TRPM2: variants seen among roughly 807,000 people sequenced by gnomAD.
TRPM2 encodes the protein transient receptor potential cation channel subfamily M member 2.
TRPM2 carries 161 observed loss-of-function variants against 174.0 expected under a neutral mutation model. The ratio of observed to expected loss-of-function variants is 0.93; its 90% CI spans 0.81 to 1.05. TRPM2 has a LOEUF of 1.05. Ranked by LOEUF, TRPM2 falls within the 50% of genes least tolerant of loss-of-function variation. The pLI, the probability that TRPM2 is intolerant of heterozygous loss-of-function variation, is 0.00. For synonymous variants in TRPM2, 954 were observed against 861.3 expected (o/e 1.11, Z -1.88); for missense variants, 2,057 against 2,038.0 (o/e 1.01, Z -0.18).
intron 20 of TRPM2, among the ~76,000 whole-genome samples, chr21:44,417,285 C>G (rs2050329306): frequency 7.1e-6 from 1 of 140,146 alleles, no homozygotes; most frequent in Non-Finnish European, 1.5e-5. Flanking sequence ...CGTGGCTCTG[C>G]TCTCTGGCAT....
rs199565483 is a variant in TRPM2, at chr21:44,427,084, C to T, written c.3947C>T (p.Pro1316Leu). ...GLRDRRSFHG[P>L]YTVQAGLPLN... ...AGGGACCGCCGGAGCTTCCACGGGCCGTACACAGTGCAGGCCGGGTTGCCC... is the reference window on the plus strand; with the variant it reads ...AGGGACCGCCGGAGCTTCCACGGGCTGTACACAGTGCAGGCCGGGTTGCCC... Residue 1316 changes from proline to leucine, a missense_variant, in exon 27 of 32, where the codon CCG becomes CTG. By Grantham distance (98) the Pro-to-Leu change is moderately conservative. Coordinates refer to ENST00000397928, the MANE Select transcript of TRPM2 (RefSeq NM_003307.4). 9.0e-5 allele frequency: 145 copies of T among 1,603,904 alleles called. No individual in the cohort carries two copies. The East Asian group carries it at 2.3e-3, about 26-fold the overall frequency.
intron 8 of TRPM2, among the ~76,000 whole-genome samples, chr21:44,380,840 T>G (rs536873324): frequency 6.6e-6 from 1 of 152,210 alleles, no homozygotes; most frequent in Non-Finnish European, 1.5e-5. Flanking sequence ...GTAGGGGTAC[T>G]GAGTGCTCGA....
In TRPM2 at chr21:44,386,289, T is replaced by A. The variant is rs557549116; in HGVS notation, c.1318+3469T>A. On this transcript the variant is annotated intron_variant, in intron 9 of 31. Transcript: ENST00000397928. ...AGGGCATGGTGGCGAGCGCCTGTAGTCCCAGCTACTTGGGAGGCTGAGGCA... is the reference window on the plus strand; with the variant it reads ...AGGGCATGGTGGCGAGCGCCTGTAGACCCAGCTACTTGGGAGGCTGAGGCA... Among the ~76,000 whole-genome samples the A allele has an allele frequency of 2.1e-3, 312 of 152,180 alleles. 1 individual carries two copies. The highest frequency in any genetic ancestry group is 7.3e-3 in the African/African-American group (303 of 41,510).
intron 8 of TRPM2, 77 bp from the exon 9 acceptor site, chr21:44,382,641 C>T: frequency 7.0e-7 from 1 of 1,420,948 alleles, no homozygotes. Flanking sequence ...GTGTCCGGGG[C>T]CTCAATTCTA....
chr21:44,441,664 A>G (rs772526803), intron 31 of TRPM2, 28 bp from the exon 32 acceptor site: 9 of 1,584,420 alleles, frequency 5.7e-6, no homozygotes, highest in Middle Eastern at 1.7e-4. Context: ...GCTGGCGGGG[A>G]GGGTCAGCTG....
intron 5 of TRPM2, among the ~76,000 whole-genome samples, chr21:44,374,732 C>T (rs879632574): frequency 9.9e-5 from 15 of 152,262 alleles, no homozygotes; most frequent in Non-Finnish European, 1.2e-4. Flanking sequence ...GTCACACACA[C>T]GATGGGGAGC....
chr21:44,406,985 G>A (rs948646571), intron 19 of TRPM2, among the ~76,000 whole-genome samples: 26 of 150,084 alleles, frequency 1.7e-4, no homozygotes, highest in South Asian at 6.3e-4. Context: ...TGGTGGGGGT[G>A]AGTGGTGCCA....
intron 5 of TRPM2, among the ~76,000 whole-genome samples, chr21:44,372,032 G>T (rs566551407): frequency 2.6e-5 from 4 of 152,300 alleles, no homozygotes; most frequent in Non-Finnish European, 4.4e-5. Flanking sequence ...TGAGGCAGAA[G>T]AATTGCTTGA....
chr21:44,433,346 G>A (rs148616034), intron 27 of TRPM2, among the ~76,000 whole-genome samples: 18 of 152,354 alleles, frequency 1.2e-4, no homozygotes, highest in Non-Finnish European at 2.2e-4. Context: ...CACTCAGCAC[G>A]AACAGCAGTT....
intron 9 of TRPM2, among the ~76,000 whole-genome samples, chr21:44,389,835 T>A (rs888693687): frequency 4.6e-5 from 7 of 152,122 alleles, no homozygotes; most frequent in East Asian, 3.8e-4. Context: ...TCCTTTCATA[T>A]TTTCTTCAAG....
intron 31 of TRPM2, among the ~76,000 whole-genome samples, chr21:44,441,187 C>T (rs1488860923): frequency 6.6e-6 from 1 of 152,116 alleles, no homozygotes; most frequent in Non-Finnish European, 1.5e-5. Flanking sequence ...AAAGGGGGCA[C>T]CAGGGAGAGG....
rs370554911 is a variant in TRPM2 at position 44,441,706 on chromosome 21, C to T, written c.4401C>T (p.Cys1467=). 5.7e-5 allele frequency: 91 copies of T among 1,610,354 alleles called. No homozygotes were observed. The highest frequency in any genetic ancestry group is 4.7e-4 in the Admixed American group (28 of 59,734). Residue 1467 remains cysteine, a synonymous_variant, in exon 32 of 32, where the codon TGC becomes TGT. Transcript: ENST00000397928. ...LNRLNSNLHA[C]DSGASIRWQV... is the part of the protein sequence containing the mutation. The stretch of plus-strand genomic sequence containing the variant: ...TGTTCTTCCAGAACCTGCACGCCTG[C>T]GACTCGGGGGCCTCCATCCGATGGC...
intron 20 of TRPM2, chr21:44,414,719 G>C (rs189451611): frequency 1.3e-5 from 2 of 152,436 alleles, no homozygotes; most frequent in African/African-American, 4.8e-5. Context: ...TGGGTTCTTG[G>C]ATGAGTAAGT....
chr21:44,374,846 CA>C (rs2048648184), intron 5 of TRPM2, among the ~76,000 whole-genome samples: 1 of 152,160 alleles, frequency 6.6e-6, no homozygotes, highest in Non-Finnish European at 1.5e-5. Context: ...GTCCATGGCC[CA>C]GGGGGTGGGG....
In TRPM2 at chr21:44,400,246, C is replaced by A. The variant is rs760583533; in HGVS notation, c.2209-13C>A. 5 of 1,607,988 alleles carry A rather than the reference C, an allele frequency of 3.1e-6. No homozygotes were observed. In the African/African-American group the frequency reaches 6.7e-5, roughly 21 times the overall value. Reference sequence around the variant, plus strand: ...GCTGGGCACTGCCATCCTGAGACTGCCCCCATCCGCAGGCCTTCCTGACCA... The same window carrying A: ...GCTGGGCACTGCCATCCTGAGACTGACCCCATCCGCAGGCCTTCCTGACCA... On this transcript the variant is annotated splice_polypyrimidine_tract_variant and intron_variant, in intron 14 of 31. Coordinates refer to ENST00000397928, the MANE Select transcript of TRPM2 (RefSeq NM_003307.4).
At chr21:44,378,288 G>T (rs1277220245) in intron 7 of TRPM2, among the ~76,000 whole-genome samples, 1 of 152,246 alleles carries the variant, frequency 6.6e-6, no homozygotes, top group Non-Finnish European at 1.5e-5. Flanking sequence ...AGGGTGCGAG[G>T]TGACCTCACC....
Position 44,369,569 on chromosome 21 carries a change from T to G in TRPM2, c.771+226T>G, listed in dbSNP as rs60270826. Reference sequence around the variant, plus strand: ...GTGCGGGGGCCGGGGTGTGGGTGAGTTCTGACCGGGTGCTGCGGGGAGCAG... The same window carrying G: ...GTGCGGGGGCCGGGGTGTGGGTGAGGTCTGACCGGGTGCTGCGGGGAGCAG... On this transcript the variant is annotated intron_variant, in intron 5 of 31. Coordinates refer to ENST00000397928, the MANE Select transcript of TRPM2 (RefSeq NM_003307.4). 1.5e-3 allele frequency among the ~76,000 whole-genome samples: 52 copies of G among 34,372 alleles called. No homozygotes were observed. In the East Asian group the frequency reaches 0.019, roughly 12 times the overall value. The allele number at this position is 34,372 out of a possible 152,430, so 22.5% of individuals were successfully genotyped here.
At position 44,369,264 on chromosome 21, in the gene TRPM2, A is replaced by C; in HGVS notation, c.692A>C (p.Tyr231Ser). 2.5e-6 allele frequency: 4 copies of C among 1,613,832 alleles called. No homozygotes were observed. Among genetic ancestry groups the C allele is most frequent in the Non-Finnish European group, 3.4e-6 (4 of 1,179,932 alleles). The part of the protein sequence containing the change: ...AVRDFSLSSS[Y>S]KEGELITIGV... Reference sequence around the variant, plus strand: ...CGGGACTTCAGCCTGAGCAGCAGCTACAAGGAAGGCGAGCTCATCACCATC... The same window carrying C: ...CGGGACTTCAGCCTGAGCAGCAGCTCCAAGGAAGGCGAGCTCATCACCATC... Residue 231 changes from tyrosine (Y) to serine (S), a missense_variant, in exon 5 of 32, where the codon TAC (tyrosine) becomes TCC (serine). Tyr to Ser is a moderately radical substitution (Grantham distance 144). Coordinates refer to ENST00000397928, the MANE Select transcript of TRPM2 (RefSeq NM_003307.4).
At chr21:44,429,278 C>CTTTTTTTT (rs35708355) in intron 27 of TRPM2, among the ~76,000 whole-genome samples, 27 of 44,196 alleles carry the variant, frequency 6.1e-4, no homozygotes, top group Non-Finnish European at 8.2e-4. Flanking sequence ...TTTTCTTTTT[C>CTTTTTTTT]TTTTTTTTTT....
Sources: gnomAD v4.1 joint callset for allele counts (sites outside exome capture counted in the v4.1 genomes callset) on GRCh38, gnomAD v4.1.1 for gene constraint, MANE v1.5 for transcripts, NCBI Gene and HGNC (gene_info 2026-07-23, HGNC 2026-07-21) for gene names.